The following PALS1 variants were observed in gnomAD, a reference collection of about 807,000 sequenced individuals.
PALS1 encodes protein associated with LIN7 1, MAGUK p55 family member, also known as protein PALS1.
PALS1 carries 31 observed loss-of-function variants against 78.9 expected under a neutral mutation model. The ratio of observed to expected loss-of-function variants is 0.39; its 90% CI spans 0.30 to 0.53. The LOEUF (loss-of-function observed/expected upper bound fraction) is 0.53, where lower values mean the gene tolerates loss of function less well. PALS1 is among the 20% of genes least tolerant of loss of function. The probability of loss-of-function intolerance (pLI) is 0.67; values close to 1 mark genes in which losing one functional copy is unlikely to be tolerated. For synonymous variants in PALS1, 276 were observed against 270.9 expected, an observed-to-expected ratio of 1.02 and a Z score of -0.18; for missense variants, 704 against 826.5, an observed-to-expected ratio of 0.85 and a Z score of 1.82.
At chr14:67,314,539 G>A (rs1005120510) in intron 9 of PALS1, among the ~76,000 whole-genome samples, 1 of 152,188 alleles carries the variant, frequency 6.6e-6, no homozygotes, top group Non-Finnish European at 1.5e-5. Context: ...AACAGTTACA[G>A]GACATTTCTC....
intron 13 of PALS1, among the ~76,000 whole-genome samples, chr14:67,323,261 GTATATA>G (rs58770441): frequency 3.2e-5 from 4 of 124,134 alleles, no homozygotes; most frequent in African/African-American, 8.3e-5. Flanking sequence ...GTGTGTGTGT[GTATATA>G]TATATATGGC....
intron 8 of PALS1, among the ~76,000 whole-genome samples, chr14:67,309,319 A>G (rs1428668414): frequency 6.6e-6 from 1 of 152,214 alleles, no homozygotes; most frequent in Non-Finnish European, 1.5e-5. Context: ...GATAAAAGTC[A>G]TATAGTATCT....
At chr14:67,307,214 T>C (rs564312737) in intron 8 of PALS1, among the ~76,000 whole-genome samples, 3 of 152,336 alleles carry the variant, frequency 2.0e-5, no homozygotes, top group Non-Finnish European at 4.4e-5. Flanking sequence ...GCATACATTA[T>C]TCAAACGTAC....
At chr14:67,249,698 C>T (rs2084038534) in intron 1 of PALS1, among the ~76,000 whole-genome samples, 1 of 152,174 alleles carries the variant, frequency 6.6e-6, no homozygotes, top group South Asian at 2.1e-4. Flanking sequence ...AGAAACTTCA[C>T]ACAAAAAGTT....
In PALS1 at chr14:67,269,345, G is replaced by A. The variant is rs181944902; in HGVS notation, c.-236-356G>A. Reference sequence around the variant, plus strand: ...TATTTTTGTACAAGTTTTTGTGTGTGTGTGTGTAGATGTATGATTTTATTT... The same window carrying A: ...TATTTTTGTACAAGTTTTTGTGTGTATGTGTGTAGATGTATGATTTTATTT... On this transcript the variant is annotated intron_variant, in intron 1 of 14. Transcript: ENST00000261681. Among the ~76,000 whole-genome samples, 3 of 152,236 alleles carry A rather than the reference G, an allele frequency of 2.0e-5. No individual in the cohort carries two copies. In the East Asian group the frequency reaches 5.8e-4, roughly 29 times the overall value.
chr14:67,285,257 G>A (rs2084667393), intron 3 of PALS1, among the ~76,000 whole-genome samples: 1 of 152,154 alleles, frequency 6.6e-6, no homozygotes, highest in Admixed American at 6.5e-5. Flanking sequence ...AAATGGAAAA[G>A]CTTAATGCTG....
intron 14 of PALS1, 51 bp downstream of exon 14, chr14:67,323,863 G>A (rs1174713902): frequency 2.1e-6 from 2 of 939,158 alleles, no homozygotes; most frequent in African/African-American, 3.5e-5. Flanking sequence ...ACATGAAACA[G>A]TCCTGGTCTA....
intron 3 of PALS1, among the ~76,000 whole-genome samples, chr14:67,289,119 G>A (rs1423757127): frequency 2.1e-5 from 3 of 141,494 alleles, no homozygotes; most frequent in East Asian, 2.1e-4. Flanking sequence ...GGAGCACACC[G>A]CCATAACTGG....
At chr14:67,289,053 G>A (rs1297867512) in intron 3 of PALS1, among the ~76,000 whole-genome samples, 7 of 141,232 alleles carry the variant, frequency 5.0e-5, no homozygotes, top group Admixed American at 3.1e-4. Context: ...TGCAACCTCC[G>A]CCACCCAGGT....
chr14:67,255,012 G>T (rs2084124410), intron 1 of PALS1, among the ~76,000 whole-genome samples: 2 of 152,182 alleles, frequency 1.3e-5, no homozygotes, highest in South Asian at 4.1e-4. Flanking sequence ...AGCTGGGTGT[G>T]GTGGCGCACG....
At position 67,301,414 on chromosome 14, in the gene PALS1, A is replaced by T. The variant is rs2084931254; in HGVS notation, c.602A>T (p.His201Leu). The change falls in exon 5 of 15, where the codon CAT (histidine) becomes CTT (leucine). Residue 201 changes from histidine to leucine, a missense_variant. His to Leu is a moderately conservative substitution (Grantham distance 99). Coordinates refer to ENST00000261681, the MANE Select transcript of PALS1 (RefSeq NM_022474.4). ...QEVQTVLKPVHHKEGQELTAL... is the reference protein window; with the variant it reads ...QEVQTVLKPVLHKEGQELTAL... ...GTACAAACTGTTTTGAAGCCAGTTC[A>T]TCATAAGGAAGGACAAGAACTAACT... is the stretch of plus-strand genomic sequence containing the variant. 1 of 1,610,504 alleles carries T rather than the reference A, an allele frequency of 6.2e-7. No individual in the cohort carries two copies. The highest frequency in any genetic ancestry group is 2.2e-5 in the East Asian group (1 of 44,676).
At chr14:67,286,121 G>A (rs1470644535) in intron 3 of PALS1, among the ~76,000 whole-genome samples, 1 of 152,210 alleles carries the variant, frequency 6.6e-6, no homozygotes, top group Admixed American at 6.5e-5. Context: ...ATTTGTTACA[G>A]ACTTGAATTT....
chr14:67,325,980 T>C (rs2085347358), intron 14 of PALS1, among the ~76,000 whole-genome samples: 1 of 68,116 alleles, frequency 1.5e-5, no homozygotes, highest in Admixed American at 1.9e-4. Context: ...GGCTCTTTTC[T>C]TTTTTTTTTT....
chr14:67,247,640 G>A (rs1021742066), intron 1 of PALS1, among the ~76,000 whole-genome samples: 1 of 151,984 alleles, frequency 6.6e-6, no homozygotes, highest in Middle Eastern at 3.4e-3. Flanking sequence ...GTGTAGTGGC[G>A]CAGCACTGCT....
intron 9 of PALS1, among the ~76,000 whole-genome samples, chr14:67,316,400 G>A (rs2085176618): frequency 6.6e-6 from 1 of 150,800 alleles, no homozygotes; most frequent in Non-Finnish European, 1.5e-5. Context: ...ATGGTTTCTT[G>A]GAATTGAATA....
At chr14:67,261,178 A>G (rs1296771180) in intron 1 of PALS1, among the ~76,000 whole-genome samples, 1 of 152,218 alleles carries the variant, frequency 6.6e-6, no homozygotes, top group Non-Finnish European at 1.5e-5. Context: ...AAAAGACAAT[A>G]AAAACTTGAA....
chr14:67,264,497 A>G (rs1322926564), intron 1 of PALS1, among the ~76,000 whole-genome samples: 2 of 152,096 alleles, frequency 1.3e-5, no homozygotes, highest in East Asian at 3.8e-4. Flanking sequence ...GCAGTTTTGC[A>G]CTTTCTGATC....
intron 4 of PALS1, chr14:67,295,104 A>AGT (rs10646700): frequency 0.12 from 15,910 of 138,002 alleles, 830 homozygotes; most frequent in Middle Eastern, 0.13. Context: ...GAGATATTGA[A>AGT]GTGTGTGTGT....
chr14:67,296,518 C>T (rs1019592642), intron 4 of PALS1, among the ~76,000 whole-genome samples: 3 of 136,782 alleles, frequency 2.2e-5, no homozygotes, highest in African/African-American at 8.1e-5. Flanking sequence ...GGAGGCAGAG[C>T]TTGCAGTGAG....
Sources: gnomAD v4.1 joint callset for allele counts (sites outside exome capture counted in the v4.1 genomes callset) on GRCh38, gnomAD v4.1.1 for gene constraint, MANE v1.5 for transcripts, NCBI Gene and HGNC (gene_info 2026-07-23, HGNC 2026-07-21) for gene names.